MAMDC2: variants seen among roughly 807,000 people sequenced by gnomAD.
MAMDC2 encodes MAM domain-containing protein 2.
MAMDC2 carries 57 observed loss-of-function variants against 89.8 expected under a neutral mutation model. The observed-to-expected ratio is 0.63, with a 90% CI of 0.51 to 0.79. The LOEUF (loss-of-function observed/expected upper bound fraction) is 0.79, where lower values mean the gene tolerates loss of function less well. Among genes scored for constraint, MAMDC2 ranks in the 30% least tolerant of loss-of-function variants. The pLI is 0.00. For synonymous variants in MAMDC2, 313 were observed against 293.4 expected, an observed-to-expected ratio of 1.07 and a Z score of -0.68; for missense variants, 800 against 820.6, an observed-to-expected ratio of 0.97 and a Z score of 0.31.
intron 12 of MAMDC2, among the ~76,000 whole-genome samples, chr9:70,220,081 C>T (rs956886955): frequency 6.6e-6 from 1 of 152,110 alleles, no homozygotes; most frequent in Admixed American, 6.5e-5. Flanking sequence ...CAAAGAATCT[C>T]TATGCTAGAC....
chr9:70,143,723 C>G lies in MAMDC2; in HGVS notation c.1308C>G (p.Asn436Lys), dbSNP rs1483375278. 2 of 1,614,086 alleles carry G rather than the reference C, an allele frequency of 1.2e-6. No homozygotes were observed. Among genetic ancestry groups the G allele is most frequent in the East Asian group, 2.2e-5 (1 of 44,876 alleles). Reference sequence around the variant, plus strand: ...TAGCAGTTTACATCTTTGAAGAGAACCATGTGGTTCAAGAGAAGATCTGGT... The same window carrying G: ...TAGCAGTTTACATCTTTGAAGAGAAGCATGTGGTTCAAGAGAAGATCTGGT... ...DTLAVYIFEE[N>K]HVVQEKIWSV... is the part of the protein sequence containing the mutation. Residue 436 changes from asparagine (N) to lysine (K), a missense_variant, in exon 9 of 14, where the codon AAC becomes AAG. Transcript: ENST00000377182.
intron 2 of MAMDC2, chr9:70,092,761 T>C (rs1258955239): frequency 6.6e-6 from 1 of 152,156 alleles, no homozygotes; most frequent in Non-Finnish European, 1.5e-5. Context: ...TTCAATTATG[T>C]TTGGAGAAAA....
chr9:70,210,934 C>A (rs1056060148), intron 11 of MAMDC2, among the ~76,000 whole-genome samples: 1 of 152,156 alleles, frequency 6.6e-6, no homozygotes. Flanking sequence ...AAATTCTTTT[C>A]TTTAAGAATG....
At chr9:70,184,169 G>A (rs1456871688) in intron 11 of MAMDC2, among the ~76,000 whole-genome samples, 1 of 152,054 alleles carries the variant, frequency 6.6e-6, no homozygotes, top group South Asian at 2.1e-4. Flanking sequence ...TGAAATTCTG[G>A]GTTGAAAATT....
At chr9:70,172,796 A>G (rs1345341525) in intron 11 of MAMDC2, 2 of 153,132 alleles carry the variant, frequency 1.3e-5, no homozygotes, top group Admixed American at 1.3e-4. Context: ...ATTGGCCCAA[A>G]GGCAGACCAG....
At chr9:70,208,758 T>C (rs1029419590) in intron 11 of MAMDC2, among the ~76,000 whole-genome samples, 5 of 150,756 alleles carry the variant, frequency 3.3e-5, no homozygotes, top group Admixed American at 6.6e-5. Flanking sequence ...CAGTATGATA[T>C]TGGCTGTGGG....
At chr9:70,204,408 C>T (rs1426643928) in intron 11 of MAMDC2, among the ~76,000 whole-genome samples, 4 of 151,696 alleles carry the variant, frequency 2.6e-5, no homozygotes, top group Admixed American at 2.6e-4. Flanking sequence ...AGGCAGTCTG[C>T]CAGTTCTCAG....
At chr9:70,218,726 G>A in intron 12 of MAMDC2, 130 bp downstream of exon 12, 1 of 1,030,144 alleles carries the variant, frequency 9.7e-7, no homozygotes, top group South Asian at 2.1e-5. Context: ...GGATTAAGAG[G>A]GAGTAAACAT....
At chr9:70,204,967 G>A (rs2033192650) in intron 11 of MAMDC2, among the ~76,000 whole-genome samples, 1 of 152,202 alleles carries the variant, frequency 6.6e-6, no homozygotes, top group Non-Finnish European at 1.5e-5. Context: ...GCACTCCCTA[G>A]TGAGATGCAC....
At chr9:70,060,159 T>C (rs1183060363) in intron 2 of MAMDC2, among the ~76,000 whole-genome samples, 7 of 152,242 alleles carry the variant, frequency 4.6e-5, no homozygotes, top group Admixed American at 6.5e-5. Flanking sequence ...GCTTTGTGTT[T>C]ATTGTCTATC....
chr9:70,143,006 C>G (rs1172821608), intron 8 of MAMDC2, among the ~76,000 whole-genome samples: 1 of 152,060 alleles, frequency 6.6e-6, no homozygotes, highest in Non-Finnish European at 1.5e-5. Context: ...CTGGGAGGAT[C>G]CATCTGATGA....
chr9:70,192,623 C>A (rs1366281446), intron 11 of MAMDC2, among the ~76,000 whole-genome samples: 4 of 152,082 alleles, frequency 2.6e-5, no homozygotes, highest in Admixed American at 2.6e-4. Context: ...CTACTTCTTT[C>A]CCTTTATAAG....
At chr9:70,147,739 C>T (rs1190442244) in intron 9 of MAMDC2, among the ~76,000 whole-genome samples, 1 of 150,380 alleles carries the variant, frequency 6.6e-6, no homozygotes, top group Non-Finnish European at 1.5e-5. Context: ...GTTAAGCCTT[C>T]TGTGTTTGCT....
rs138529706 is a variant in MAMDC2, at chr9:70,218,442, T to A, written c.1757T>A (p.Phe586Tyr). Reference sequence around the variant, plus strand: ...TCTGGAAAACACTGCTTGACCTTTTTCTACCACATGTATGGAGGGGGCACT... The same window carrying A: ...TCTGGAAAACACTGCTTGACCTTTTACTACCACATGTATGGAGGGGGCACT... Reference protein sequence around the residue: ...GVSGKHCLTFFYHMYGGGTGL... With the variant: ...GVSGKHCLTFYYHMYGGGTGL... Residue 586 changes from phenylalanine (F) to tyrosine (Y), a missense_variant, in exon 12 of 14, where the codon TTC becomes TAC. By Grantham distance (22) the Phe-to-Tyr change is conservative. Transcript: ENST00000377182. 9 of 1,614,200 alleles carry A rather than the reference T, an allele frequency of 5.6e-6. No individual in the cohort carries two copies. The highest frequency in any genetic ancestry group is 5.1e-6 in the Non-Finnish European group (6 of 1,180,022).
intron 2 of MAMDC2, among the ~76,000 whole-genome samples, chr9:70,063,875 C>T (rs1827204563): frequency 6.6e-6 from 1 of 152,078 alleles, no homozygotes; most frequent in Non-Finnish European, 1.5e-5. Context: ...TTGCATCTGG[C>T]ATTTGTACCC....
At chr9:70,103,289 T>A (rs1828243103) in intron 2 of MAMDC2, among the ~76,000 whole-genome samples, 1 of 152,182 alleles carries the variant, frequency 6.6e-6, no homozygotes, top group Admixed American at 6.5e-5. Context: ...GTTAAAATGA[T>A]CTTGAAAATG....
At chr9:70,071,111 C>T (rs1827396014) in intron 2 of MAMDC2, among the ~76,000 whole-genome samples, 2 of 152,026 alleles carry the variant, frequency 1.3e-5, no homozygotes, top group Non-Finnish European at 1.5e-5. Flanking sequence ...GAATGAGAGG[C>T]CTTTTTGGTA....
chr9:70,045,664 CCA>C (rs1826731874), intron 2 of MAMDC2, among the ~76,000 whole-genome samples: 1 of 152,196 alleles, frequency 6.6e-6, no homozygotes. Flanking sequence ...TGAACTGTCA[CCA>C]CAGCTCACTC....
At position 70,078,270 on chromosome 9, in the gene MAMDC2, C is replaced by T. The variant is rs571913645; in HGVS notation, c.149-29941C>T. On this transcript the variant is annotated intron_variant, in intron 2 of 13. Transcript: ENST00000377182. ...CTGATAACTCCCTCTTACCCCGTTT[C>T]TCTCCTTCAGAATGTTCATGTTTTA... 1.6e-3 allele frequency among the ~76,000 whole-genome samples: 246 copies of T among 152,288 alleles called. 1 individual carries two copies. Among genetic ancestry groups the T allele is most frequent in the Admixed American group, 3.5e-3 (53 of 15,296 alleles).
Sources: allele counts gnomAD v4.1 joint callset (sites outside exome capture counted in the v4.1 genomes callset), GRCh38; gene constraint gnomAD v4.1.1; transcripts MANE v1.5; gene names NCBI Gene and HGNC (gene_info 2026-07-23, HGNC 2026-07-21).